The following CNTN1 variants were observed in gnomAD, a reference collection of about 807,000 sequenced individuals.
The protein encoded by CNTN1 is contactin 1.
A neutral mutation model predicts 126.4 loss-of-function variants in CNTN1; 38 were observed. The ratio of observed to expected loss-of-function variants is 0.30; its 90% CI spans 0.23 to 0.39. The LOEUF (loss-of-function observed/expected upper bound fraction) is 0.39, where lower values mean the gene tolerates loss of function less well. Among genes scored for constraint, CNTN1 ranks in the 10% least tolerant of loss-of-function variants. The pLI is 1.00. For missense variants in CNTN1, 1,009 were observed against 1,248.4 expected, an observed-to-expected ratio of 0.81 and a Z score of 2.89; for synonymous variants, 413 against 422.6, an observed-to-expected ratio of 0.98 and a Z score of 0.28.
chr12:40,813,203 T>G (rs1482574641), intron 1 of CNTN1, among the ~76,000 whole-genome samples: 1 of 133,494 alleles, frequency 7.5e-6, no homozygotes, highest in Non-Finnish European at 1.6e-5. Context: ...ACACAATAAT[T>G]TCAGTTTTTT....
intron 16 of CNTN1, among the ~76,000 whole-genome samples, chr12:40,987,697 CATAA>C (rs751738915): frequency 6.6e-6 from 1 of 152,132 alleles, no homozygotes; most frequent in Non-Finnish European, 1.5e-5. Flanking sequence ...CATCTTTGCA[CATAA>C]ATGTTTCTCT....
intron 1 of CNTN1, among the ~76,000 whole-genome samples, chr12:40,788,400 A>G (rs1940106270): frequency 6.6e-6 from 1 of 152,118 alleles, no homozygotes; most frequent in South Asian, 2.1e-4. Context: ...TGCAGTAGCC[A>G]GGACAGGAAA....
At chr12:40,776,984 T>A (rs28445457) in intron 1 of CNTN1, among the ~76,000 whole-genome samples, 7,612 of 151,676 alleles carry the variant, frequency 0.05, 252 homozygotes, top group East Asian at 0.07. Context: ...TTCCCACTTA[T>A]GTCCCCTGAT....
intron 15 of CNTN1, chr12:40,972,312 T>A (rs1404614776): frequency 1.6e-5 from 16 of 985,142 alleles, no homozygotes; most frequent in African/African-American, 1.7e-5. Flanking sequence ...GAGGAGTATA[T>A]AATTCTTTCT....
At chr12:41,027,829 A>G (rs974757365) in intron 21 of CNTN1, 28 bp from the exon 22 acceptor site, 9 of 1,339,150 alleles carry the variant, frequency 6.7e-6, no homozygotes, top group Middle Eastern at 1.8e-4. Context: ...TATAGTGACC[A>G]CTGATTGCAT....
chr12:40,719,869 G>A (rs1048168531), intron 1 of CNTN1, among the ~76,000 whole-genome samples: 9 of 151,930 alleles, frequency 5.9e-5, no homozygotes, highest in Non-Finnish European at 1.2e-4. Context: ...ACGGAGTCTC[G>A]CTCTATTGCC....
At chr12:40,958,373 GTGTGTGTA>G (rs929657229) in intron 14 of CNTN1, among the ~76,000 whole-genome samples, 2 of 150,462 alleles carry the variant, frequency 1.3e-5, no homozygotes, top group Non-Finnish European at 3.0e-5. Flanking sequence ...GTGTGTGTGT[GTGTGTGTA>G]TGTATGTATG....
At chr12:40,808,388 T>C (rs1940938831) in intron 1 of CNTN1, among the ~76,000 whole-genome samples, 1 of 152,140 alleles carries the variant, frequency 6.6e-6, no homozygotes, top group South Asian at 2.1e-4. Context: ...TCCACCATGG[T>C]TGATTCCAAG....
intron 1 of CNTN1, among the ~76,000 whole-genome samples, chr12:40,791,172 TTCA>T (rs1940207197): frequency 2.0e-5 from 3 of 152,158 alleles, no homozygotes; most frequent in Non-Finnish European, 4.4e-5. Context: ...AGATATTTAG[TTCA>T]TCAACTTTTT....
chr12:40,915,181 T>C (rs540739398), intron 3 of CNTN1, among the ~76,000 whole-genome samples: 21 of 152,292 alleles, frequency 1.4e-4, no homozygotes, highest in African/African-American at 4.8e-4. Flanking sequence ...CATTAAAATA[T>C]GAAAATCTAC....
At chr12:40,782,656 T>A (rs1177365556) in intron 1 of CNTN1, among the ~76,000 whole-genome samples, 1 of 151,864 alleles carries the variant, frequency 6.6e-6, no homozygotes, top group East Asian at 1.9e-4. Flanking sequence ...GTTACCCAAG[T>A]AGATGGAGGT....
chr12:40,869,945 C>A (rs1041480895), intron 1 of CNTN1, among the ~76,000 whole-genome samples: 5 of 152,144 alleles, frequency 3.3e-5, no homozygotes, highest in Non-Finnish European at 2.9e-5. Flanking sequence ...ATAATTCCCA[C>A]GTGTTGTGGG....
At chr12:41,002,326 G>A (rs927416025) in intron 17 of CNTN1, among the ~76,000 whole-genome samples, 9 of 152,056 alleles carry the variant, frequency 5.9e-5, no homozygotes, top group African/African-American at 4.8e-5. Context: ...GCAGTGGTTT[G>A]TAGTTCTCCT....
intron 1 of CNTN1, among the ~76,000 whole-genome samples, chr12:40,713,130 A>C (rs10784813): frequency 0.87 from 132,342 of 152,106 alleles, 57,722 homozygotes; most frequent in East Asian, 1. Flanking sequence ...TGCTCAGGAC[A>C]TTATTTTTGC....
chr12:40,948,135 A>G (rs925867991), intron 14 of CNTN1, among the ~76,000 whole-genome samples: 2 of 152,020 alleles, frequency 1.3e-5, no homozygotes, highest in African/African-American at 4.8e-5. Context: ...GACTTGGCAC[A>G]GCATCTGAGA....
At chr12:40,731,194 A>T (rs1942491087) in intron 1 of CNTN1, among the ~76,000 whole-genome samples, 1 of 152,050 alleles carries the variant, frequency 6.6e-6, no homozygotes, top group Non-Finnish European at 1.5e-5. Context: ...TTGGCAAGAC[A>T]TATAGGAAAA....
chr12:40,788,104 T>A (rs932801763), intron 1 of CNTN1, among the ~76,000 whole-genome samples: 1 of 152,264 alleles, frequency 6.6e-6, no homozygotes, highest in Admixed American at 6.5e-5. Context: ...CATGAGCATA[T>A]TTGCAGAAAG....
Position 40,778,386 on chromosome 12 carries a change from G to A in CNTN1, c.-77+85794G>A, listed in dbSNP as rs530400784. The stretch of plus-strand genomic sequence containing the variant: ...TCTAGGCTGCTTTCCTGATACAAGG[G>A]CAGAATTGGGTAGTTGTCACAGAGA... On this transcript the variant is annotated intron_variant, in intron 1 of 23. Coordinates refer to ENST00000551295, the MANE Select transcript of CNTN1 (RefSeq NM_001843.4). 1.3e-4 allele frequency among the ~76,000 whole-genome samples: 20 copies of A among 151,904 alleles called. No individual in the cohort carries two copies. In the East Asian group the frequency reaches 3.9e-3, roughly 29 times the overall value.
At chr12:40,712,602 C>A (rs1941948218) in intron 1 of CNTN1, among the ~76,000 whole-genome samples, 1 of 151,982 alleles carries the variant, frequency 6.6e-6, no homozygotes, top group Admixed American at 6.6e-5. Context: ...ACCCCATAGC[C>A]TAACGTGTAA....
Sources: gnomAD v4.1 joint callset for allele counts (sites outside exome capture counted in the v4.1 genomes callset) on GRCh38, gnomAD v4.1.1 for gene constraint, MANE v1.5 for transcripts, NCBI Gene and HGNC (gene_info 2026-07-23, HGNC 2026-07-21) for gene names.